Variants in GABRA3 observed in about 807,000 individuals in gnomAD.
GABRA3 encodes the protein gamma-aminobutyric acid type A receptor subunit alpha3.
Under a neutral mutation model 30.1 loss-of-function variants are expected in GABRA3, and 10 were observed. The ratio of observed to expected loss-of-function variants is 0.33; its 90% CI spans 0.20 to 0.56. The LOEUF is 0.56. GABRA3 is among the 20% of genes least tolerant of loss of function. The probability of loss-of-function intolerance (pLI) is 0.89; values close to 1 mark genes in which losing one functional copy is unlikely to be tolerated. For missense variants in GABRA3, 233 were observed against 392.0 expected (o/e 0.59, Z 3.42); for synonymous variants, 151 against 146.8 (o/e 1.03, Z -0.21).
chrX:152,226,842 C>G (rs1475289367), intron 5 of GABRA3, among the ~76,000 whole-genome samples: 1 of 112,025 alleles, frequency 8.9e-6, no homozygotes, highest in Non-Finnish European at 1.9e-5. Flanking sequence ...GATACCATCT[C>G]ACACCAGTTA....
At chrX:152,206,579 C>G (rs921916096) in intron 7 of GABRA3, among the ~76,000 whole-genome samples, 25 of 111,496 alleles carry the variant, frequency 2.2e-4, no homozygotes, top group African/African-American at 6.5e-4. Flanking sequence ...GGGACGGGTC[C>G]CTGTCTGGCT....
intron 7 of GABRA3, among the ~76,000 whole-genome samples, chrX:152,207,458 C>G (rs1231787643): frequency 9.0e-6 from 1 of 111,410 alleles, no homozygotes; most frequent in Non-Finnish European, 1.9e-5. Context: ...TGTCAATATC[C>G]AAGAGTTAGC....
chrX:152,235,685 C>A (rs961836547), intron 5 of GABRA3, among the ~76,000 whole-genome samples: 1 of 111,571 alleles, frequency 9.0e-6, no homozygotes, highest in African/African-American at 3.2e-5. Flanking sequence ...GATCTGTACA[C>A]TAAACGTTGA....
chrX:152,261,872 T>C (rs919108515), intron 4 of GABRA3, among the ~76,000 whole-genome samples: 1 of 112,653 alleles, frequency 8.9e-6, no homozygotes. Flanking sequence ...ATATTTCCCT[T>C]CCACACTGCC....
In GABRA3 at chrX:152,324,747, G is replaced by A. The variant is rs192801426; in HGVS notation, c.262+20834C>T. ...TAAAAGAAATAGAAAGCTTTATGTG[G>A]CTTGGAGTTATTAGAGTATAATATA... is the stretch of plus-strand genomic sequence containing the variant. On this transcript the variant is annotated intron_variant, in intron 3 of 9. Transcript: ENST00000370314. 7.2e-5 allele frequency among the ~76,000 whole-genome samples: 8 copies of A among 111,495 alleles called. 1 individual carries two copies. The Admixed American group carries it at 7.7e-4, about 11-fold the overall frequency.
At chrX:152,422,599 C>T (rs1047161542) in intron 1 of GABRA3, among the ~76,000 whole-genome samples, 1 of 110,700 alleles carries the variant, frequency 9.0e-6, no homozygotes, top group Non-Finnish European at 1.9e-5. Context: ...AAAGAAGACC[C>T]GAGTAAATGG....
At chrX:152,224,733 A>T (rs199974504) in intron 6 of GABRA3, 30 bp downstream of exon 6, 30 of 1,038,626 alleles carry the variant, frequency 2.9e-5, no homozygotes, top group African/African-American at 1.7e-4. Context: ...GCAAAAAAAA[A>T]AGACAGAGAG....
intron 1 of GABRA3, among the ~76,000 whole-genome samples, chrX:152,415,077 T>C (rs1284499461): frequency 3.6e-5 from 4 of 111,108 alleles, no homozygotes; most frequent in Non-Finnish European, 7.6e-5. Flanking sequence ...CTATTCTGTA[T>C]TGGTGGATAC....
rs767511562 is a variant in GABRA3, at chrX:152,255,610, T to C, written c.551+168A>G. Reference sequence around the variant, plus strand: ...TTATTTATGTGTTTATTAGAATATATATGTCTGTGAGTATGTATGCATGCA... The same window carrying C: ...TTATTTATGTGTTTATTAGAATATACATGTCTGTGAGTATGTATGCATGCA... On this transcript the variant is annotated intron_variant, in intron 5 of 9. Transcript: ENST00000370314. Among the ~76,000 whole-genome samples, 17 of 112,628 alleles carry C rather than the reference T, an allele frequency of 1.5e-4. No individual in the cohort carries two copies. In the South Asian group the frequency reaches 6.2e-3, roughly 41 times the overall value.
At chrX:152,371,258 G>A (rs966272718) in intron 1 of GABRA3, among the ~76,000 whole-genome samples, 6 of 111,457 alleles carry the variant, frequency 5.4e-5, no homozygotes, top group Non-Finnish European at 1.1e-4. Flanking sequence ...CTCTCTGGGA[G>A]AAGAAATAAC....
chrX:152,368,811 T>C (rs1242207151), intron 1 of GABRA3, among the ~76,000 whole-genome samples: 2 of 103,549 alleles, frequency 1.9e-5, no homozygotes, highest in African/African-American at 7.0e-5. Flanking sequence ...GTTCACACCA[T>C]TCTCCTGCCT....
At chrX:152,423,254 C>T (rs947695343) in intron 1 of GABRA3, among the ~76,000 whole-genome samples, 24 of 112,030 alleles carry the variant, frequency 2.1e-4, no homozygotes, top group African/African-American at 7.8e-4. Flanking sequence ...AAGAGATTTA[C>T]TTTTCACTGT....
At chrX:152,244,632 C>G (rs2194897) in intron 5 of GABRA3, among the ~76,000 whole-genome samples, 30,440 of 110,197 alleles carry the variant, frequency 0.28, 3,646 homozygotes, top group African/African-American at 0.44. Flanking sequence ...AGTTCAAATG[C>G]ATTAAGACAG....
chrX:152,327,518 A>G (rs1727098452), intron 3 of GABRA3, among the ~76,000 whole-genome samples: 1 of 112,243 alleles, frequency 8.9e-6, no homozygotes, highest in Non-Finnish European at 1.9e-5. Flanking sequence ...ACCACAGTGC[A>G]ATCAAACTAG....
intron 1 of GABRA3, among the ~76,000 whole-genome samples, chrX:152,408,512 A>G (rs1367636334): frequency 3.6e-5 from 4 of 111,611 alleles, no homozygotes; most frequent in Non-Finnish European, 7.5e-5. Context: ...GAAATAAACA[A>G]AAAATGAAAG....
chrX:152,366,088 T>C (rs1040844914), intron 1 of GABRA3, among the ~76,000 whole-genome samples: 2 of 111,477 alleles, frequency 1.8e-5, no homozygotes, highest in Middle Eastern at 8.4e-3. Flanking sequence ...CAGAAAACCA[T>C]AGTATATGAG....
chrX:152,199,649 A>G lies in GABRA3; in HGVS notation c.779-1864T>C, dbSNP rs899494551. On this transcript the variant is annotated intron_variant, in intron 7 of 9. Coordinates refer to ENST00000370314, the MANE Select transcript of GABRA3 (RefSeq NM_000808.4). Reference sequence around the variant, plus strand: ...CTCTAAGATTTATATATTAGACATCACTACTTGGGGATCTAATAGGCATCT... The same window carrying G: ...CTCTAAGATTTATATATTAGACATCGCTACTTGGGGATCTAATAGGCATCT... Among the ~76,000 whole-genome samples the G allele has an allele frequency of 1.2e-4, 13 of 111,071 alleles. No individual in the cohort carries two copies. In the South Asian group the frequency reaches 5.0e-3, roughly 43 times the overall value.
At chrX:152,323,948 T>C (rs1255745023) in intron 3 of GABRA3, among the ~76,000 whole-genome samples, 5 of 112,381 alleles carry the variant, frequency 4.4e-5, no homozygotes, top group African/African-American at 1.6e-4. Flanking sequence ...TGAGCTACTA[T>C]TTCTAATTTA....
At chrX:152,194,085 C>A (rs1239271283) in intron 8 of GABRA3, among the ~76,000 whole-genome samples, 1 of 112,232 alleles carries the variant, frequency 8.9e-6, no homozygotes, top group Non-Finnish European at 1.9e-5. Flanking sequence ...TCTCCATATA[C>A]CCCCATCTCA....
Sources: gnomAD v4.1 joint callset for allele counts (sites outside exome capture counted in the v4.1 genomes callset) on GRCh38, gnomAD v4.1.1 for gene constraint, MANE v1.5 for transcripts, NCBI Gene and HGNC (gene_info 2026-07-23, HGNC 2026-07-21) for gene names.